Variants in KRT78 observed in about 807,000 individuals in gnomAD.
KRT78 encodes the protein keratin, type II cytoskeletal 78.
KRT78 carries 55 observed loss-of-function variants against 51.4 expected under a neutral mutation model. That is an observed-to-expected ratio of 1.07 (90% CI 0.86 to 1.34). KRT78 has a LOEUF of 1.34. KRT78 is among the 40% of genes most tolerant of loss of function. The pLI, the probability that KRT78 is intolerant of heterozygous loss-of-function variation, is 0.00. For synonymous variants in KRT78, 291 were observed against 264.3 expected, an observed-to-expected ratio of 1.10 and a Z score of -0.98; for missense variants, 652 against 649.4, an observed-to-expected ratio of 1.00 and a Z score of -0.04.
At chr12:52,844,474 G>T in intron 5 of KRT78, 85 bp downstream of exon 5, 1 of 1,465,844 alleles carries the variant, frequency 6.8e-7, no homozygotes, top group Non-Finnish European at 9.3e-7. Context: ...CTGCCCCAAT[G>T]GGATCGAGGT....
chr12:52,844,466 G>A lies in KRT78; in HGVS notation c.921+93C>T, dbSNP rs534619393. ...GACCTTCAGGGAGGTAACTGGAACT[G>A]CCCCAATGGGATCGAGGTGGATGAC... On this transcript the variant is annotated intron_variant, in intron 5 of 8. Coordinates refer to ENST00000304620, the MANE Select transcript of KRT78 (RefSeq NM_173352.4). 4 of 1,426,520 alleles carry A rather than the reference G, an allele frequency of 2.8e-6. No individual in the cohort carries two copies. The East Asian group carries it at 9.3e-5, about 33-fold the overall frequency. The allele number at this position is 1,426,520 out of a possible 1,614,324, so 88.4% of individuals were successfully genotyped here. A position where few individuals can be genotyped will look rare whatever the true frequency, so the allele number is the denominator to read the frequency against.
chr12:52,845,490 C>T (rs1001397543), intron 4 of KRT78, among the ~76,000 whole-genome samples: 4 of 152,208 alleles, frequency 2.6e-5, no homozygotes, highest in African/African-American at 4.8e-5. Context: ...GATTTTATCT[C>T]CTAAATAAGG....
chr12:52,844,425 T>C (rs1467886798), intron 5 of KRT78, 134 bp downstream of exon 5: 1 of 919,716 alleles, frequency 1.1e-6, no homozygotes, highest in East Asian at 2.7e-5. Context: ...GAAATGGCCC[T>C]GCCCACCCAG....
intron 6 of KRT78, among the ~76,000 whole-genome samples, chr12:52,843,697 A>AG (rs1565699345): frequency 6.2e-4 from 93 of 150,572 alleles, no homozygotes; most frequent in African/African-American, 2.3e-3. Context: ...TCAAAAAAAA[A>AG]AAAAAAAAGA....
At position 52,842,959 on chromosome 12, in the gene KRT78, G is replaced by GAGAGAGAAAGGA. The variant is rs1299063277; in HGVS notation, c.1047+1133_1047+1134insTCCTTTCTCTCT. Among the ~76,000 whole-genome samples, 390 of 53,672 alleles carry GAGAGAGAAAGGA rather than the reference G, an allele frequency of 7.3e-3. 19 individuals carry two copies. The highest frequency in any genetic ancestry group is 0.034 in the African/African-American group (292 of 8,576). 35.2% of individuals were successfully genotyped at this position (53,672 alleles called of 152,430 possible). A position where few individuals can be genotyped will look rare whatever the true frequency, so the allele number is the denominator to read the frequency against. On this transcript the variant is annotated intron_variant, in intron 6 of 8. Coordinates refer to ENST00000304620, the MANE Select transcript of KRT78 (RefSeq NM_173352.4). ...AGAAAGAGAGAGAGAGAGAGAGAGA[G>GAGAGAGAAAGGA]AGGAAGGAAGGAAGGAAGGAAGGAA...
Position 52,848,938 on chromosome 12 carries a change from A to C in KRT78, c.-8T>G, listed in dbSNP as rs1188891175. 1 of 1,535,508 alleles carries C rather than the reference A, an allele frequency of 6.5e-7. No homozygotes were observed. On this transcript the variant is annotated 5_prime_UTR_variant, in exon 1 of 9. Transcript: ENST00000304620. Reference sequence around the variant, plus strand: ...GCATGGGGAGAGAGACATGGCAGAGACAGACAGTCACGCAGCTGCAGACGG... The same window carrying C: ...GCATGGGGAGAGAGACATGGCAGAGCCAGACAGTCACGCAGCTGCAGACGG...
At position 52,848,322 on chromosome 12, in the gene KRT78, T is replaced by TC. The variant is rs1417745325; in HGVS notation, c.385-202dup. 1.3e-5 allele frequency: 19 copies of TC among 1,494,920 alleles called. No homozygotes were observed. In the East Asian group the frequency reaches 3.9e-4, roughly 31 times the overall value. 92.6% of individuals were successfully genotyped at this position (1,494,920 alleles called of 1,614,324 possible). ...TGGACTGACTAATGGGGCAGGGCCT[T>TC]CCCCCCGCTGGCTGGCAGTTCTCTG... On this transcript the variant is annotated intron_variant, in intron 1 of 8. Coordinates refer to ENST00000304620, the MANE Select transcript of KRT78 (RefSeq NM_173352.4).
chr12:52,842,619 AT>A (rs1940523842), intron 6 of KRT78, among the ~76,000 whole-genome samples: 2 of 152,066 alleles, frequency 1.3e-5, no homozygotes, highest in Admixed American at 1.3e-4. Context: ...AAAAGAAGAG[AT>A]AAGAAAAGAG....
chr12:52,847,211 C>A (rs1171961973), intron 2 of KRT78, among the ~76,000 whole-genome samples: 1 of 152,222 alleles, frequency 6.6e-6, no homozygotes, highest in Admixed American at 6.5e-5. Flanking sequence ...CAATCCAGGG[C>A]TCCTTCCAGA....
At chr12:52,840,673 C>T (rs1940473600) in intron 6 of KRT78, among the ~76,000 whole-genome samples, 1 of 152,022 alleles carries the variant, frequency 6.6e-6, no homozygotes, top group African/African-American at 2.4e-5. Flanking sequence ...TGCCACTGCA[C>T]TCCAGCCTGG....
rs1940410924 is a variant in KRT78 at position 52,839,056 on chromosome 12, C to T, written c.*57G>A. On this transcript the variant is annotated 3_prime_UTR_variant, in exon 9 of 9. Coordinates refer to ENST00000304620, the MANE Select transcript of KRT78 (RefSeq NM_173352.4). Reference sequence around the variant, plus strand: ...GGACACGGAGTTGGCCTTGCAGAGCCGGCTGATGGGGGGAGTGGGCCAAAT... The same window carrying T: ...GGACACGGAGTTGGCCTTGCAGAGCTGGCTGATGGGGGGAGTGGGCCAAAT... 27 of 1,571,056 alleles carry T rather than the reference C, an allele frequency of 1.7e-5. No individual in the cohort carries two copies. Among genetic ancestry groups the T allele is most frequent in the African/African-American group, 2.7e-5 (2 of 74,470 alleles).
intron 6 of KRT78, among the ~76,000 whole-genome samples, chr12:52,842,744 C>G (rs760268747): frequency 4.6e-5 from 7 of 151,416 alleles, no homozygotes; most frequent in Non-Finnish European, 1.0e-4. Flanking sequence ...ATGGTGAAAC[C>G]CTGTCTCTAC....
chr12:52,847,907 T>C lies in KRT78; in HGVS notation c.599A>G (p.Lys200Arg). The C allele has an allele frequency of 6.2e-7, 1 of 1,613,882 alleles. No homozygotes were observed. The highest frequency in any genetic ancestry group is 2.2e-5 in the East Asian group (1 of 44,884). The stretch of plus-strand genomic sequence containing the variant: ...CATGGGGAAATTTCAGTGTGCCTAC[T>C]TGGACTTATACTCCTCCTCCTGGTC... ...CRDQEEEYKS[K>R]YEEEAHRRAT... is the part of the protein sequence containing the mutation. The change falls in exon 2 of 9, where the codon AAG becomes AGG. Residue 200 changes from lysine (K) to arginine (R), a missense_variant and splice_region_variant. Physicochemically the swap from Lys to Arg is conservative, Grantham distance 26 (BLOSUM62 2). Transcript: ENST00000304620.
intron 6 of KRT78, among the ~76,000 whole-genome samples, chr12:52,841,458 G>C (rs923758615): frequency 6.7e-6 from 1 of 150,258 alleles, no homozygotes; most frequent in African/African-American, 2.5e-5. Flanking sequence ...CTGCATTCCA[G>C]CCTGGGTGAC....
intron 4 of KRT78, chr12:52,845,970 ATT>A: frequency 1.9e-6 from 1 of 520,022 alleles, no homozygotes; most frequent in African/African-American, 1.9e-5. Flanking sequence ...AAAAAAAGCA[ATT>A]TTTTTATCTG....
At chr12:52,845,340 C>T (rs111946445) in intron 4 of KRT78, among the ~76,000 whole-genome samples, 7 of 152,234 alleles carry the variant, frequency 4.6e-5, no homozygotes, top group Admixed American at 2.6e-4. Context: ...CTCTCCCTCT[C>T]GCTCCTACTA....
chr12:52,841,027 C>A (rs1940484257), intron 6 of KRT78, among the ~76,000 whole-genome samples: 1 of 152,186 alleles, frequency 6.6e-6, no homozygotes, highest in African/African-American at 2.4e-5. Context: ...CCCTCGGCAC[C>A]TCTCCCAGGG....
intron 6 of KRT78, among the ~76,000 whole-genome samples, chr12:52,842,022 T>C (rs1940511225): frequency 6.6e-6 from 1 of 152,174 alleles, no homozygotes. Flanking sequence ...GGAATCTGGA[T>C]CTTAATAGCC....
At chr12:52,845,549 A>G (rs1411369644) in intron 4 of KRT78, among the ~76,000 whole-genome samples, 3 of 151,992 alleles carry the variant, frequency 2.0e-5, no homozygotes, top group African/African-American at 7.3e-5. Context: ...CATGTTCCCA[A>G]TCCTCCTTTC....
Sources: allele counts gnomAD v4.1 joint callset (sites outside exome capture counted in the v4.1 genomes callset), GRCh38; gene constraint gnomAD v4.1.1; transcripts MANE v1.5; gene names NCBI Gene and HGNC (gene_info 2026-07-23, HGNC 2026-07-21).